The following MYH15 variants were observed in gnomAD, a reference collection of about 807,000 sequenced individuals.
The protein encoded by MYH15 is myosin-15.
A neutral mutation model predicts 240.5 loss-of-function variants in MYH15; 227 were observed. That is an observed-to-expected ratio of 0.94 (90% CI 0.85 to 1.05). The LOEUF (loss-of-function observed/expected upper bound fraction) is 1.05, where lower values mean the gene tolerates loss of function less well. Among genes scored for constraint, MYH15 ranks in the 50% least tolerant of loss-of-function variants. MYH15 has a pLI of 0.00. For missense variants in MYH15, 2,217 were observed against 2,247.5 expected (o/e 0.99, Z 0.27); for synonymous variants, 785 against 796.7 (o/e 0.99, Z 0.25).
chr3:108,465,905 C>T (rs1393464956), intron 14 of MYH15, among the ~76,000 whole-genome samples: 1 of 151,972 alleles, frequency 6.6e-6, no homozygotes, highest in Non-Finnish European at 1.5e-5. Flanking sequence ...CCAGCTTGAG[C>T]AACAGAGAGA....
At chr3:108,507,502 T>C (rs2083487987) in intron 1 of MYH15, among the ~76,000 whole-genome samples, 1 of 152,050 alleles carries the variant, frequency 6.6e-6, no homozygotes, top group Admixed American at 6.6e-5. Context: ...GAGGGCTCAC[T>C]GCCGCAGGAC....
At chr3:108,511,581 C>T (rs74423403), upstream of MYH15, among the ~76,000 whole-genome samples, 1,277 of 152,208 alleles carry the variant, frequency 8.4e-3, 19 homozygotes, top group African/African-American at 0.029. Flanking sequence ...GGAAACTGGG[C>T]CTTCATGATC....
intron 27 of MYH15, among the ~76,000 whole-genome samples, chr3:108,427,752 A>G (rs1271230375): frequency 6.6e-6 from 1 of 152,204 alleles, no homozygotes; most frequent in Non-Finnish European, 1.5e-5. Flanking sequence ...CACTGAAGAT[A>G]TTCTACATTT....
intron 16 of MYH15, among the ~76,000 whole-genome samples, chr3:108,462,654 C>T (rs927800943): frequency 6.6e-6 from 1 of 151,996 alleles, no homozygotes; most frequent in African/African-American, 2.4e-5. Flanking sequence ...GTATTTGCTG[C>T]ATGCTAGAGG....
intron 22 of MYH15, 59 bp downstream of exon 22, chr3:108,444,581 C>T (rs2082911410): frequency 6.3e-7 from 1 of 1,575,108 alleles, no homozygotes; most frequent in East Asian, 2.2e-5. Context: ...ACACTGCCTG[C>T]TTAACAAGGG....
chr3:108,550,491 T>G, the MYH15 span: 1 of 151,452 alleles, frequency 6.6e-6, no homozygotes, highest in Non-Finnish European at 1.5e-5. Context: ...TTAGATTTTT[T>G]ATGAGACAGC....
rs2082451308 is a variant in MYH15, at chr3:108,395,258, G to A, written c.5134-1102C>T. On this transcript the variant is annotated intron_variant, in intron 35 of 40. Transcript: ENST00000693548. Reference sequence around the variant, plus strand: ...CACTCCAACCTGAGTGACAGAGTGAGACTCCGTCTCAAAAAAGAAAAATAA... The same window carrying A: ...CACTCCAACCTGAGTGACAGAGTGAAACTCCGTCTCAAAAAAGAAAAATAA... Among the ~76,000 whole-genome samples the A allele has an allele frequency of 2.0e-5, 3 of 152,206 alleles. No individual in the cohort carries two copies. In the South Asian group the frequency reaches 6.2e-4, roughly 32 times the overall value.
chr3:108,404,312 GT>G (rs1314218418), intron 33 of MYH15, among the ~76,000 whole-genome samples: 2 of 151,776 alleles, frequency 1.3e-5, no homozygotes, highest in Non-Finnish European at 2.9e-5. Flanking sequence ...TGTTAACAGG[GT>G]TTTTTTTCTT....
the MYH15 span, among the ~76,000 whole-genome samples, chr3:108,547,508 AAAT>A: frequency 6.7e-6 from 1 of 150,336 alleles, no homozygotes; most frequent in African/African-American, 2.4e-5. Context: ...TTGGGTAGAA[AAAT>A]AATATCAAAA....
At chr3:108,529,842 G>A (rs2083700144), upstream of MYH15, among the ~76,000 whole-genome samples, 1 of 152,146 alleles carries the variant, frequency 6.6e-6, no homozygotes, top group African/African-American at 2.4e-5. Flanking sequence ...ACCTCTTTGA[G>A]TTAAGGAGAT....
chr3:108,507,270 TATATATAC>T (rs2083485875), intron 1 of MYH15, among the ~76,000 whole-genome samples: 1 of 65,094 alleles, frequency 1.5e-5, no homozygotes, highest in African/African-American at 5.1e-5. Flanking sequence ...TATATATATA[TATATATAC>T]ACATATGAAA....
the MYH15 span, among the ~76,000 whole-genome samples, chr3:108,535,546 T>A: frequency 6.6e-6 from 1 of 152,136 alleles, no homozygotes; most frequent in Non-Finnish European, 1.5e-5. Flanking sequence ...ATGAATCTTA[T>A]GGGAATGCAA....
At chr3:108,481,578 A>AT (rs2083268372) in intron 11 of MYH15, among the ~76,000 whole-genome samples, 1 of 152,192 alleles carries the variant, frequency 6.6e-6, no homozygotes, top group African/African-American at 2.4e-5. Flanking sequence ...AGGGAGTAAG[A>AT]CATGAGGACA....
intron 10 of MYH15, 82 bp from the exon 11 acceptor site, chr3:108,485,311 C>CGG: frequency 6.6e-6 from 10 of 1,512,350 alleles, no homozygotes; most frequent in Non-Finnish European, 9.0e-6. Flanking sequence ...TGTTACACCT[C>CGG]GGGCTGTGGG....
chr3:108,539,990 G>A, the MYH15 span, among the ~76,000 whole-genome samples: 5 of 152,106 alleles, frequency 3.3e-5, no homozygotes, highest in Non-Finnish European at 5.9e-5. Context: ...CTGCCCACAT[G>A]AGCACACACA....
intron 21 of MYH15, among the ~76,000 whole-genome samples, chr3:108,447,878 A>C (rs1041459504): frequency 3.3e-5 from 5 of 152,138 alleles, no homozygotes; most frequent in Non-Finnish European, 7.4e-5. Context: ...TAATGTACAA[A>C]ATTATTTTAA....
chr3:108,437,647 TC>T lies in MYH15; in HGVS notation c.3127del (p.Glu1043AsnfsTer9). 6.2e-7 allele frequency: 1 copy of T among 1,614,080 alleles called. No homozygotes were observed. The highest frequency in any genetic ancestry group is 8.5e-7 in the Non-Finnish European group (1 of 1,180,002). On this transcript the variant is annotated frameshift_variant, in exon 25 of 41. Coordinates refer to ENST00000693548, the MANE Select transcript of MYH15 (RefSeq NM_014981.3). LOFTEE classifies it high-confidence loss of function. ...ERKARMNCER[E>X]LHKLEGNLKL... ...TAAATTGCCCTCCAGTTTGTGCAGT[TC>T]CCTTTCACAGTTCATTCTCGCTTTT...
At chr3:108,459,021 T>C (rs1467678967) in intron 18 of MYH15, among the ~76,000 whole-genome samples, 1 of 148,210 alleles carries the variant, frequency 6.7e-6, no homozygotes, top group Non-Finnish European at 1.5e-5. Context: ...AATCCCCTAA[T>C]TGATTATTCA....
chr3:108,455,981 T>C, intron 19 of MYH15, 122 bp from the exon 20 acceptor site: 1 of 936,882 alleles, frequency 1.1e-6, no homozygotes, highest in Middle Eastern at 3.3e-4. Flanking sequence ...ATATGTTCAA[T>C]TTTCACAAGA....
Sources: gnomAD v4.1 joint callset for allele counts (sites outside exome capture counted in the v4.1 genomes callset) on GRCh38, gnomAD v4.1.1 for gene constraint, MANE v1.5 for transcripts, NCBI Gene and HGNC (gene_info 2026-07-23, HGNC 2026-07-21) for gene names.